PRKN: variants seen among roughly 807,000 people sequenced by gnomAD.
PRKN encodes parkin RBR E3 ubiquitin protein ligase.
A neutral mutation model predicts 59.5 loss-of-function variants in PRKN; 56 were observed. The observed-to-expected ratio is 0.94, with a 90% CI of 0.76 to 1.18. PRKN has a LOEUF of 1.18. Ranked by LOEUF, PRKN falls within the 50% of genes most tolerant of loss-of-function variation. The probability of loss-of-function intolerance (pLI) is 0.00; values close to 1 mark genes in which losing one functional copy is unlikely to be tolerated. For missense variants in PRKN, 657 were observed against 596.4 expected (o/e 1.10, Z -1.06); for synonymous variants, 250 against 222.1 (o/e 1.13, Z -1.12).
At chr6:161,926,829 C>G (rs1313371275) in intron 6 of PRKN, among the ~76,000 whole-genome samples, 1 of 151,430 alleles carries the variant, frequency 6.6e-6, no homozygotes, top group East Asian at 1.9e-4. Flanking sequence ...ATAAGACATT[C>G]AAATGAGCTC....
chr6:162,584,055 T>C lies in PRKN; in HGVS notation c.8-140582A>G, dbSNP rs1780898952. 3.3e-5 allele frequency among the ~76,000 whole-genome samples: 5 copies of C among 151,498 alleles called. No homozygotes were observed. The South Asian group carries it at 1.0e-3, about 32-fold the overall frequency. The stretch of plus-strand genomic sequence containing the variant: ...GGTGAAACCCCCTCTCTACTAAAAA[T>C]ACAAAAAATTAGCCGGGCGTGGTGG... On this transcript the variant is annotated intron_variant, in intron 1 of 11. Transcript: ENST00000366898.
At chr6:162,364,171 A>G (rs1785297834) in intron 2 of PRKN, among the ~76,000 whole-genome samples, 1 of 152,242 alleles carries the variant, frequency 6.6e-6, no homozygotes, top group African/African-American at 2.4e-5. Flanking sequence ...CCATCTACAC[A>G]GACATTCACT....
intron 1 of PRKN, among the ~76,000 whole-genome samples, chr6:162,700,871 T>C (rs1361054997): frequency 2.6e-5 from 4 of 152,144 alleles, no homozygotes; most frequent in Non-Finnish European, 5.9e-5. Context: ...ATTCAAGGCC[T>C]GTCCTTTTGG....
intron 1 of PRKN, chr6:162,695,128 G>T (rs1777921998): frequency 6.6e-6 from 1 of 152,054 alleles, no homozygotes; most frequent in Non-Finnish European, 1.5e-5. Context: ...GAGGCAATAA[G>T]AATAAAGTAA....
intron 1 of PRKN, among the ~76,000 whole-genome samples, chr6:162,617,937 A>C (rs543354774): frequency 4.8e-4 from 73 of 152,256 alleles, no homozygotes; most frequent in African/African-American, 1.7e-3. Context: ...CCCCAGTAAC[A>C]CAAGAATAAT....
chr6:161,923,732 A>G (rs1038407725), intron 6 of PRKN, among the ~76,000 whole-genome samples: 2 of 152,062 alleles, frequency 1.3e-5, no homozygotes, highest in African/African-American at 4.8e-5. Flanking sequence ...TTACCCCCTA[A>G]TTGTTTAGTG....
chr6:161,846,248 C>T (rs755424737), intron 6 of PRKN, among the ~76,000 whole-genome samples: 2 of 152,102 alleles, frequency 1.3e-5, no homozygotes, highest in African/African-American at 4.8e-5. Flanking sequence ...TTCATTCGAG[C>T]GACCAAGTCC....
intron 7 of PRKN, among the ~76,000 whole-genome samples, chr6:161,635,904 A>AT: frequency 6.6e-6 from 1 of 152,208 alleles, no homozygotes; most frequent in South Asian, 2.1e-4. Context: ...ATTTCATCAA[A>AT]TTTTTGCAGG....
chr6:162,020,137 C>T (rs1157112599), intron 5 of PRKN, among the ~76,000 whole-genome samples: 1 of 151,864 alleles, frequency 6.6e-6, no homozygotes, highest in Non-Finnish European at 1.5e-5. Flanking sequence ...GATGGAGGGA[C>T]AGCAGACTCT....
intron 1 of PRKN, among the ~76,000 whole-genome samples, chr6:162,612,132 G>A (rs1470926644): frequency 1.4e-5 from 2 of 139,526 alleles, no homozygotes; most frequent in African/African-American, 5.4e-5. Context: ...GGCGGAGCTT[G>A]CAGTGAGCTG....
chr6:161,786,045 A>G (rs1790407704), intron 6 of PRKN, 137 bp from the exon 7 acceptor site: 1 of 820,576 alleles, frequency 1.2e-6, no homozygotes, highest in Non-Finnish European at 2.0e-6. Flanking sequence ...CTAAGCATTA[A>G]GCTCATGTAT....
intron 6 of PRKN, among the ~76,000 whole-genome samples, chr6:161,926,454 C>T (rs1203814293): frequency 1.3e-5 from 2 of 152,182 alleles, no homozygotes; most frequent in Admixed American, 1.3e-4. Flanking sequence ...TTGGCGCACA[C>T]TGTCTCTTCA....
intron 2 of PRKN, among the ~76,000 whole-genome samples, chr6:162,372,871 A>G (rs191916666): frequency 1.6e-4 from 24 of 152,308 alleles, no homozygotes; most frequent in Admixed American, 3.9e-4. Flanking sequence ...AAGAGAGGCA[A>G]GAAATTTCAG....
At chr6:161,571,944 G>A (rs1583243406) in intron 7 of PRKN, among the ~76,000 whole-genome samples, 1 of 152,172 alleles carries the variant, frequency 6.6e-6, no homozygotes, top group Non-Finnish European at 1.5e-5. Flanking sequence ...CCTTCTGACT[G>A]CAAGACATAC....
intron 1 of PRKN, among the ~76,000 whole-genome samples, chr6:162,554,560 C>T (rs187258717): frequency 1.3e-5 from 2 of 149,620 alleles, no homozygotes; most frequent in East Asian, 3.9e-4. Context: ...CTGGGGGTGG[C>T]AGACAGGACA....
intron 5 of PRKN, among the ~76,000 whole-genome samples, chr6:161,980,454 A>G (rs1781218007): frequency 6.6e-6 from 1 of 152,232 alleles, no homozygotes; most frequent in African/African-American, 2.4e-5. Context: ...GGCCCACACC[A>G]GGTAGTTCAA....
At chr6:161,997,083 T>C (rs1334601694) in intron 5 of PRKN, among the ~76,000 whole-genome samples, 2 of 152,150 alleles carry the variant, frequency 1.3e-5, no homozygotes, top group African/African-American at 2.4e-5. Flanking sequence ...ATGAAATACG[T>C]AATAAACTGA....
chr6:162,390,452 ATTTT>A (rs1453935507), intron 2 of PRKN, among the ~76,000 whole-genome samples: 1 of 141,752 alleles, frequency 7.1e-6, no homozygotes, highest in African/African-American at 2.7e-5. Context: ...ATATATTTGG[ATTTT>A]TTTGAGACAG....
At chr6:162,694,371 C>G (rs527578760) in intron 1 of PRKN, among the ~76,000 whole-genome samples, 19 of 152,230 alleles carry the variant, frequency 1.2e-4, no homozygotes, top group African/African-American at 4.3e-4. Flanking sequence ...CTGTGGCAAT[C>G]CAGCAGAATG....
Sources: gnomAD v4.1 joint callset for allele counts (sites outside exome capture counted in the v4.1 genomes callset) on GRCh38, gnomAD v4.1.1 for gene constraint, MANE v1.5 for transcripts, NCBI Gene and HGNC (gene_info 2026-07-23, HGNC 2026-07-21) for gene names.